The following BIK variants were observed in gnomAD, a reference collection of about 807,000 sequenced individuals.
The protein encoded by BIK is BCL2 interacting killer.
Under a neutral mutation model 12.1 loss-of-function variants are expected in BIK, and 14 were observed. That is an observed-to-expected ratio of 1.16 (90% CI 0.77 to 1.81). The LOEUF (loss-of-function observed/expected upper bound fraction) is 1.81, where lower values mean the gene tolerates loss of function less well. Among genes scored for constraint, BIK ranks in the 40% most tolerant of loss-of-function variants. BIK has a pLI of 0.00. For synonymous variants in BIK, 86 were observed against 92.3 expected (o/e 0.93, Z 0.39); for missense variants, 215 against 207.9 (o/e 1.03, Z -0.21).
intron 1 of BIK, among the ~76,000 whole-genome samples, chr22:43,116,098 G>C (rs985183654): frequency 6.6e-6 from 1 of 152,162 alleles, no homozygotes; most frequent in South Asian, 2.1e-4. Flanking sequence ...CTTAACAACT[G>C]TAGGCCCAGG....
rs755791685 is a variant in BIK, at chr22:43,129,313, G to GCGGCT, written c.*10_*14dup. The GCGGCT allele has an allele frequency of 6.3e-7, 1 of 1,596,888 alleles. No homozygotes were observed. The highest frequency in any genetic ancestry group is 1.1e-5 in the South Asian group (1 of 90,834). On this transcript the variant is annotated 3_prime_UTR_variant, in exon 5 of 5. Transcript: ENST00000216115. ...CACCTGCTGCTCAAGTGAGGCCCCG[G>GCGGCT]CGGCTCAGGGCGGGGCTGGCCCCAC...
chr22:43,127,492 A>G (rs567970615), intron 2 of BIK, among the ~76,000 whole-genome samples: 1 of 152,336 alleles, frequency 6.6e-6, no homozygotes, highest in South Asian at 2.1e-4. Context: ...CCACCCACGG[A>G]TGGGACCTCA....
At chr22:43,127,088 C>G (rs1329078290) in intron 2 of BIK, among the ~76,000 whole-genome samples, 2 of 152,090 alleles carry the variant, frequency 1.3e-5, no homozygotes, top group African/African-American at 4.8e-5. Context: ...TGGGGAGTGT[C>G]TTAGTCTTTG....
At chr22:43,118,442 G>A (rs1001685950) in intron 1 of BIK, among the ~76,000 whole-genome samples, 10 of 152,208 alleles carry the variant, frequency 6.6e-5, no homozygotes, top group Non-Finnish European at 1.3e-4. Flanking sequence ...AAGGCTCAGA[G>A]GTGAGCTGGT....
At chr22:43,122,062 C>T (rs371567230) in intron 1 of BIK, among the ~76,000 whole-genome samples, 2 of 152,216 alleles carry the variant, frequency 1.3e-5, no homozygotes, top group African/African-American at 2.4e-5. Context: ...GAAAGCAAGT[C>T]GTGAGCACAC....
intron 1 of BIK, among the ~76,000 whole-genome samples, chr22:43,111,267 G>T (rs1476940871): frequency 2.0e-5 from 3 of 152,192 alleles, no homozygotes; most frequent in East Asian, 1.9e-4. Context: ...CGTCGTGCCC[G>T]GTGCCGCCGG....
In BIK at chr22:43,129,421, A is replaced by C; in HGVS notation, c.*116A>C. The C allele has an allele frequency of 2.8e-6, 4 of 1,403,652 alleles. No homozygotes were observed. Among genetic ancestry groups the C allele is most frequent in the South Asian group, 1.5e-5 (1 of 67,500 alleles). 86.9% of individuals were successfully genotyped at this position (1,403,652 alleles called of 1,614,324 possible). On this transcript the variant is annotated 3_prime_UTR_variant, in exon 5 of 5. Coordinates refer to ENST00000216115, the MANE Select transcript of BIK (RefSeq NM_001197.5). The stretch of plus-strand genomic sequence containing the variant: ...TCTCATGATGCCTTTTTATATTTAA[A>C]CCCCGAGATAGTGCTGGAACACTGC...
chr22:43,128,985 T>C (rs752505078), intron 4 of BIK, among the ~76,000 whole-genome samples: 2 of 152,178 alleles, frequency 1.3e-5, no homozygotes, highest in African/African-American at 2.4e-5. Context: ...GCCCACCGGG[T>C]GTCTTTGCCT....
chr22:43,126,002 C>T (rs574066154), intron 2 of BIK, among the ~76,000 whole-genome samples: 9 of 151,876 alleles, frequency 5.9e-5, no homozygotes, highest in South Asian at 2.1e-4. Flanking sequence ...GCACACCCGG[C>T]CATCCCAGCG....
intron 1 of BIK, among the ~76,000 whole-genome samples, chr22:43,114,235 G>A (rs1930066601): frequency 6.6e-6 from 1 of 152,146 alleles, no homozygotes. Context: ...ATGCAGCAAA[G>A]AGAGAAAAGC....
At chr22:43,114,911 G>A (rs1211337124) in intron 1 of BIK, among the ~76,000 whole-genome samples, 1 of 152,342 alleles carries the variant, frequency 6.6e-6, no homozygotes, top group Admixed American at 6.5e-5. Flanking sequence ...TTTAACAGAA[G>A]GTGATACTGT....
intron 4 of BIK, 21 bp downstream of exon 4, chr22:43,128,646 G>C (rs1362876459): frequency 6.3e-7 from 1 of 1,593,218 alleles, no homozygotes; most frequent in South Asian, 1.1e-5. Context: ...TGAGATCCCT[G>C]ACCCTGACTT....
chr22:43,122,337 T>C, intron 1 of BIK, among the ~76,000 whole-genome samples: 1 of 152,154 alleles, frequency 6.6e-6, no homozygotes, highest in East Asian at 1.9e-4. Flanking sequence ...ATAAAGGTAA[T>C]GGTTAGTGCC....
chr22:43,115,970 G>A lies in BIK; in HGVS notation c.-8+5167G>A, dbSNP rs867494882. 3.6e-4 allele frequency among the ~76,000 whole-genome samples: 55 copies of A among 151,896 alleles called. 1 individual carries two copies. Among genetic ancestry groups the A allele is most frequent in the Middle Eastern group, 6.8e-3 (2 of 294 alleles). On this transcript the variant is annotated intron_variant, in intron 1 of 4. Coordinates refer to ENST00000216115, the MANE Select transcript of BIK (RefSeq NM_001197.5). ...CACTGTTTCACCATGTTGACCGGGGGGTCTTGAACTCCTGACCTTAGTTGA... is the reference window on the plus strand; with the variant it reads ...CACTGTTTCACCATGTTGACCGGGGAGTCTTGAACTCCTGACCTTAGTTGA...
intron 3 of BIK, 87 bp downstream of exon 3, chr22:43,127,882 C>T (rs1017788610): frequency 1.8e-5 from 23 of 1,285,126 alleles, no homozygotes; most frequent in Non-Finnish European, 2.3e-5. Flanking sequence ...AGGGCTGGGC[C>T]CTGAGGAAGC....
intron 1 of BIK, among the ~76,000 whole-genome samples, chr22:43,122,523 C>T (rs4988407): frequency 3.9e-5 from 6 of 152,122 alleles, no homozygotes; most frequent in African/African-American, 1.2e-4. Context: ...ATTAGATTTC[C>T]GTGCCACAGT....
intron 1 of BIK, among the ~76,000 whole-genome samples, chr22:43,122,010 C>T (rs564961738): frequency 2.0e-5 from 3 of 152,314 alleles, no homozygotes; most frequent in African/African-American, 7.2e-5. Flanking sequence ...GGATTACAGG[C>T]GTGAGCCACC....
In BIK at chr22:43,127,799, G is replaced by A. The variant is rs949252935; in HGVS notation, c.260+4G>A. The A allele has an allele frequency of 2.6e-6, 4 of 1,548,274 alleles. No individual in the cohort carries two copies. Among genetic ancestry groups the A allele is most frequent in the Non-Finnish European group, 3.5e-6 (4 of 1,145,694 alleles). On this transcript the variant is annotated splice_donor_region_variant and intron_variant, in intron 3 of 4. Transcript: ENST00000216115. Reference sequence around the variant, plus strand: ...TCTCCGAGGTGGCCATGCACAGGTAGCCGGCCTATGCCCTATGCCTCTACA... The same window carrying A: ...TCTCCGAGGTGGCCATGCACAGGTAACCGGCCTATGCCCTATGCCTCTACA...
At chr22:43,125,542 C>T (rs1024380593) in intron 2 of BIK, among the ~76,000 whole-genome samples, 1 of 142,702 alleles carries the variant, frequency 7.0e-6, no homozygotes, top group Non-Finnish European at 1.5e-5. Flanking sequence ...CCAACCTCTA[C>T]TAAAAATACA....
Sources: allele counts gnomAD v4.1 joint callset (sites outside exome capture counted in the v4.1 genomes callset), GRCh38; gene constraint gnomAD v4.1.1; transcripts MANE v1.5; gene names NCBI Gene and HGNC (gene_info 2026-07-23, HGNC 2026-07-21).